Variants in VEGFA observed in about 807,000 individuals in gnomAD.
The protein encoded by VEGFA is vascular endothelial growth factor A.
Under a neutral mutation model 49.7 loss-of-function variants are expected in VEGFA, and 20 were observed. That is an observed-to-expected ratio of 0.40 (90% CI 0.28 to 0.58). The LOEUF (loss-of-function observed/expected upper bound fraction) is 0.58, where lower values mean the gene tolerates loss of function less well. Among genes scored for constraint, VEGFA ranks in the 20% least tolerant of loss-of-function variants. The pLI, the probability that VEGFA is intolerant of heterozygous loss-of-function variation, is 0.40. For missense variants in VEGFA, 505 were observed against 553.5 expected (o/e 0.91, Z 0.88); for synonymous variants, 219 against 223.4 (o/e 0.98, Z 0.18).
chr6:43,779,203 A>G (rs892259587), intron 5 of VEGFA: 4 of 563,104 alleles, frequency 7.1e-6, no homozygotes, highest in Non-Finnish European at 1.3e-5. Context: ...TCGGTGTGTC[A>G]GGGGGCACTG....
rs763161483 is a variant in VEGFA at position 43,771,341 on chromosome 6, G to A, written c.606+29G>A. 1.9e-6 allele frequency: 3 copies of A among 1,586,974 alleles called. No individual in the cohort carries two copies. In the South Asian group the frequency reaches 3.4e-5, roughly 18 times the overall value. On this transcript the variant is annotated intron_variant, in intron 1 of 7. Transcript: ENST00000672860. The stretch of plus-strand genomic sequence containing the variant: ...AGCGGTCGTGCCCTGCTGGCGCCGC[G>A]GGCCGCTGCGAGCGCCTCTCCCGGC...
In VEGFA at chr6:43,774,293, AC is replaced by A. The variant is rs772342618; in HGVS notation, c.607-44del. 1.1e-5 allele frequency: 18 copies of A among 1,600,582 alleles called. No individual in the cohort carries two copies. The Middle Eastern group carries it at 5.7e-4, about 51-fold the overall frequency. On this transcript the variant is annotated intron_variant, in intron 1 of 7. Transcript: ENST00000672860. ...AGGGGCTGGGTGGCTGGGCCTGTGC[AC>A]CCCAGCCCCTGCCCATGCCCATGCC...
In VEGFA at chr6:43,785,811, T is replaced by A. The variant is rs188186771; in HGVS notation, c.*1249T>A. 3.9e-4 allele frequency: 73 copies of A among 188,584 alleles called. 2 individuals carry two copies. The East Asian group carries it at 6.4e-3, about 17-fold the overall frequency. 11.7% of individuals were successfully genotyped at this position (188,584 alleles called of 1,614,324 possible). ...ACGGTACTTATTTAATATCCCTTTT[T>A]AATTAGAAATTAAAACAGTTAATTT... On this transcript the variant is annotated 3_prime_UTR_variant, in exon 8 of 8. Coordinates refer to ENST00000672860, the MANE Select transcript of VEGFA (RefSeq NM_003376.6).
chr6:43,782,299 G>T, intron 7 of VEGFA: 2 of 702,250 alleles, frequency 2.8e-6, no homozygotes, highest in South Asian at 3.5e-5. Flanking sequence ...AGCCTGGCGG[G>T]GCCTGTTCCG....
At chr6:43,779,055 A>G in intron 5 of VEGFA, 137 bp downstream of exon 5, 3 of 1,157,534 alleles carry the variant, frequency 2.6e-6, no homozygotes, top group Non-Finnish European at 3.9e-6. Context: ...TTGTGGTGGC[A>G]GCAACAATGG....
At chr6:43,784,240 T>C in intron 7 of VEGFA, 1 of 539,150 alleles carries the variant, frequency 1.9e-6, no homozygotes, top group Non-Finnish European at 3.3e-6. Context: ...CGTTCATTTG[T>C]TGCTTTGTAA....
rs1302637198 is a variant in VEGFA, at chr6:43,777,341, G to A, written c.659-128G>A. 32 of 1,024,508 alleles carry A rather than the reference G, an allele frequency of 3.1e-5. No individual in the cohort carries two copies. The highest frequency in any genetic ancestry group is 5.1e-5 in the East Asian group (2 of 39,410). 63.5% of individuals were successfully genotyped at this position (1,024,508 alleles called of 1,614,324 possible). ...TTCAAACACAGTAGGAGGGACTTACGTTAGATTTTGGAAGGACTTGCCTGA... is the reference window on the plus strand; with the variant it reads ...TTCAAACACAGTAGGAGGGACTTACATTAGATTTTGGAAGGACTTGCCTGA... On this transcript the variant is annotated intron_variant, in intron 2 of 7. Coordinates refer to ENST00000672860, the MANE Select transcript of VEGFA (RefSeq NM_003376.6). The surrounding 1 kb of genome is among the most constrained non-coding windows in gnomAD (Gnocchi z 4.3).
Position 43,777,974 on chromosome 6 carries a change from C to A in VEGFA, c.855+309C>A, listed in dbSNP as rs1766015227. On this transcript the variant is annotated intron_variant, in intron 3 of 7. Transcript: ENST00000672860. This position sits in a 1 kb window ranked among gnomAD's most constrained non-coding sequence, Gnocchi z 4.3. The stretch of plus-strand genomic sequence containing the variant: ...TTGGAGAGAGTCCTGAGTGCCCCCC[C>A]TTCTTGGGGGCTTTGTTTGGGAAGC... 4.2e-6 allele frequency: 2 copies of A among 481,244 alleles called. No individual in the cohort carries two copies. The highest frequency in any genetic ancestry group is 7.5e-6 in the Non-Finnish European group (2 of 265,390). 29.8% of individuals were successfully genotyped at this position (481,244 alleles called of 1,614,324 possible).
At chr6:43,778,354 C>A in intron 3 of VEGFA, 106 bp from the exon 4 acceptor site, 1 of 960,346 alleles carries the variant, frequency 1.0e-6, no homozygotes, top group African/African-American at 1.6e-5. Flanking sequence ...CCCATCCCTG[C>A]TCTGCAGAAC....
In VEGFA at chr6:43,781,716, C is replaced by T. The variant is rs914426470; in HGVS notation, c.1035-240C>T. 6.0e-6 allele frequency: 3 copies of T among 500,306 alleles called. No individual in the cohort carries two copies. The East Asian group carries it at 1.2e-4, about 20-fold the overall frequency. The allele number at this position is 500,306 out of a possible 1,614,324, so 31.0% of individuals were successfully genotyped here. On this transcript the variant is annotated intron_variant, in intron 6 of 7. Transcript: ENST00000672860. The stretch of plus-strand genomic sequence containing the variant: ...CATTGCCCCTTATGGCAGCCTCTCC[C>T]TGCACTCTCTGCCCGTCTGTGCCCG...
At position 43,770,840 on chromosome 6, in the gene VEGFA, T is replaced by C. The variant is rs574579489; in HGVS notation, c.134T>C (p.Val45Ala). 2.6e-6 allele frequency: 4 copies of C among 1,527,856 alleles called. No individual in the cohort carries two copies. The East Asian group carries it at 1.0e-4, about 40-fold the overall frequency. The allele number at this position is 1,527,856 out of a possible 1,614,324, so 94.6% of individuals were successfully genotyped here. The change falls in exon 1 of 8, where the codon GTC (valine) becomes GCC (alanine). Residue 45 changes from valine (V) to alanine (A), a missense_variant. Val to Ala is a moderately conservative substitution (Grantham distance 64). Around this residue, in one of 2 missense-constraint regions of VEGFA, gnomAD observed 340 missense variants for 321.8 expected, o/e 1.06. Transcript: ENST00000672860. ...GCGCCCGGAGGCGGGGTGGAGGGGG[T>C]CGGGGCTCGCGGCGTCGCACTGAAA...
Position 43,786,355 on chromosome 6 carries a change from G to A in VEGFA, c.*1793G>A, listed in dbSNP as rs937321687. ...TGTGGGGAAAAGATATTAACATCACGTCTTTGTCTCTAGTGCAGTTTTTCG... is the reference window on the plus strand; with the variant it reads ...TGTGGGGAAAAGATATTAACATCACATCTTTGTCTCTAGTGCAGTTTTTCG... On this transcript the variant is annotated 3_prime_UTR_variant, in exon 8 of 8. Transcript: ENST00000672860. The A allele has an allele frequency of 5.1e-5, 9 of 177,252 alleles. No homozygotes were observed. The highest frequency in any genetic ancestry group is 1.3e-4 in the Admixed American group (2 of 15,754). 11.0% of individuals were successfully genotyped at this position (177,252 alleles called of 1,614,324 possible).
chr6:43,779,529 C>A (rs1766633067), intron 5 of VEGFA: 1 of 383,918 alleles, frequency 2.6e-6, no homozygotes, highest in African/African-American at 2.1e-5. Context: ...AGTAACCCTT[C>A]AAGACAGGGT....
chr6:43,782,081 C>G lies in VEGFA; in HGVS notation c.1160C>G (p.Thr387Ser). 6.2e-7 allele frequency: 1 copy of G among 1,613,812 alleles called. No individual in the cohort carries two copies. Among genetic ancestry groups the G allele is most frequent in the Non-Finnish European group, 8.5e-7 (1 of 1,179,938 alleles). The change falls in exon 7 of 8, where the codon ACT becomes AGT. Residue 387 changes from threonine (T) to serine (S), a missense_variant. Around this residue, in one of 2 missense-constraint regions of VEGFA, gnomAD observed 165 missense variants for 231.7 expected, o/e 0.71. Transcript: ENST00000672860. ...AGGCAGCTTGAGTTAAACGAACGTA[C>G]TTGCAGGTTGGTTCCCAGAGGGCAA...
chr6:43,772,129 C>A, intron 1 of VEGFA: 1 of 941,794 alleles, frequency 1.1e-6, no homozygotes, highest in South Asian at 4.9e-5. Context: ...ATCCAGAGAA[C>A]CATCCCTACC....
chr6:43,785,914 C>G lies in VEGFA; in HGVS notation c.*1352C>G. The stretch of plus-strand genomic sequence containing the variant: ...CTATTTATGAGATGTATCTTTTGCT[C>G]TCTCTTGCTCTCTTATTTGTACCGG... On this transcript the variant is annotated 3_prime_UTR_variant, in exon 8 of 8. Transcript: ENST00000672860. 5.5e-6 allele frequency: 1 copy of G among 180,978 alleles called. No individual in the cohort carries two copies. The highest frequency in any genetic ancestry group is 1.2e-5 in the Non-Finnish European group (1 of 85,324). The allele number at this position is 180,978 out of a possible 1,614,324, so 11.2% of individuals were successfully genotyped here. A position where few individuals can be genotyped will look rare whatever the true frequency, so the allele number is the denominator to read the frequency against.
intron 5 of VEGFA, chr6:43,779,570 G>A (rs1766655137): frequency 2.5e-6 from 1 of 396,458 alleles, no homozygotes; most frequent in Non-Finnish European, 5.1e-6. Flanking sequence ...AGCTTGCAGG[G>A]AAAGAGAGAC....
chr6:43,774,313 C>T, intron 1 of VEGFA, 28 bp from the exon 2 acceptor site: 1 of 1,613,726 alleles, frequency 6.2e-7, no homozygotes, highest in African/African-American at 1.3e-5. Flanking sequence ...CTGCCCATGC[C>T]CATGCCTTGC....
Position 43,770,832 on chromosome 6 carries a change from G to A in VEGFA, c.126G>A (p.Val42=), listed in dbSNP as rs2127995796. The A allele has an allele frequency of 6.6e-7, 1 of 1,526,644 alleles. No individual in the cohort carries two copies. The highest frequency in any genetic ancestry group is 8.8e-7 in the Non-Finnish European group (1 of 1,138,564). 94.6% of individuals were successfully genotyped at this position (1,526,644 alleles called of 1,614,324 possible). A position where few individuals can be genotyped will look rare whatever the true frequency, so the allele number is the denominator to read the frequency against. The change falls in exon 1 of 8, where the codon GTG becomes GTA. Residue 42 remains valine, a synonymous_variant. Coordinates refer to ENST00000672860, the MANE Select transcript of VEGFA (RefSeq NM_003376.6). ...CGGAGCCCGCGCCCGGAGGCGGGGT[G>A]GAGGGGGTCGGGGCTCGCGGCGTCG...
Sources: allele counts gnomAD v4.1 joint callset, GRCh38; gene constraint gnomAD v4.1.1; regional missense constraint gnomAD v4.1.1; non-coding constraint Gnocchi (gnomAD v3.1); transcripts MANE v1.5; gene names NCBI Gene and HGNC (gene_info 2026-07-23, HGNC 2026-07-21).